Variants in ABTB3 observed in about 807,000 individuals in gnomAD.
The protein encoded by ABTB3 is ankyrin repeat and BTB domain containing 3, also known as ankyrin repeat- and BTB/POZ domain-containing protein 3.
chr12:107,617,023 T>C, the ABTB3 span: 1 of 1,529,306 alleles, frequency 6.5e-7, no homozygotes, highest in Non-Finnish European at 9.1e-7. Flanking sequence ...ATCCCAGCAG[T>C]CTTTCCTGAC....
the ABTB3 span, among the ~76,000 whole-genome samples, chr12:107,425,406 T>C: frequency 6.6e-6 from 1 of 152,196 alleles, no homozygotes; most frequent in Non-Finnish European, 1.5e-5. Flanking sequence ...GAAAATGTTT[T>C]GGAATTAGAT....
At chr12:107,410,119 T>C in the ABTB3 span, among the ~76,000 whole-genome samples, 1 of 151,378 alleles carries the variant, frequency 6.6e-6, no homozygotes, top group Non-Finnish European at 1.5e-5. Flanking sequence ...CCAGCCACTG[T>C]GTGATTGCAA....
chr12:107,444,155 G>T, the ABTB3 span, among the ~76,000 whole-genome samples: 1 of 152,260 alleles, frequency 6.6e-6, no homozygotes, highest in Non-Finnish European at 1.5e-5. Flanking sequence ...GAAGGTCAGG[G>T]TCCTGCAGAG....
the ABTB3 span, among the ~76,000 whole-genome samples, chr12:107,440,087 C>T: frequency 6.6e-6 from 1 of 152,322 alleles, no homozygotes; most frequent in South Asian, 2.1e-4. Context: ...AACACCTCCC[C>T]CCGCCGCTCC....
chr12:107,391,207 G>T, the ABTB3 span, among the ~76,000 whole-genome samples: 1 of 152,108 alleles, frequency 6.6e-6, no homozygotes, highest in African/African-American at 2.4e-5. Context: ...CAGTGAATTG[G>T]GTGCCATCAA....
the ABTB3 span, among the ~76,000 whole-genome samples, chr12:107,374,983 C>A: frequency 1.3e-5 from 2 of 152,144 alleles, no homozygotes; most frequent in African/African-American, 4.8e-5. Flanking sequence ...CAGTAGCTGG[C>A]TTTGGGGAAA....
At chr12:107,345,766 G>A in the ABTB3 span, among the ~76,000 whole-genome samples, 1 of 152,198 alleles carries the variant, frequency 6.6e-6, no homozygotes, top group Non-Finnish European at 1.5e-5. Flanking sequence ...GCAGGTGTTG[G>A]CAGTAGGGCT....
chr12:107,355,752 A>G, the ABTB3 span, among the ~76,000 whole-genome samples: 1 of 152,160 alleles, frequency 6.6e-6, no homozygotes, highest in Non-Finnish European at 1.5e-5. Flanking sequence ...GTTTAGTTAT[A>G]CTGCTGGTAT....
At chr12:107,471,013 T>C in the ABTB3 span, among the ~76,000 whole-genome samples, 4 of 152,220 alleles carry the variant, frequency 2.6e-5, no homozygotes, top group Non-Finnish European at 5.9e-5. Flanking sequence ...TGTGATGTAC[T>C]GAGCATGCCA....
chr12:107,636,219 G>C, the ABTB3 span, among the ~76,000 whole-genome samples: 2 of 152,152 alleles, frequency 1.3e-5, no homozygotes, highest in Non-Finnish European at 2.9e-5. Context: ...TCAGGCACTA[G>C]GTTCTTTCAG....
chr12:107,402,674 C>T, the ABTB3 span, among the ~76,000 whole-genome samples: 1 of 152,208 alleles, frequency 6.6e-6, no homozygotes, highest in Non-Finnish European at 1.5e-5. Flanking sequence ...TTACCTCTCT[C>T]AAGCCACTGC....
chr12:107,657,424 G>T, the ABTB3 span: 7 of 1,135,612 alleles, frequency 6.2e-6, no homozygotes, highest in Middle Eastern at 1.9e-4. Context: ...TAGCAGGTGT[G>T]TGCCATCATT....
At chr12:107,640,049 G>C in the ABTB3 span, among the ~76,000 whole-genome samples, 3 of 152,290 alleles carry the variant, frequency 2.0e-5, no homozygotes, top group East Asian at 5.8e-4. Context: ...CAAGGTGGGT[G>C]GGTGACTATA....
the ABTB3 span, among the ~76,000 whole-genome samples, chr12:107,456,424 G>C: frequency 7.2e-5 from 11 of 152,306 alleles, no homozygotes; most frequent in Middle Eastern, 3.4e-3. Flanking sequence ...GGCACGAACC[G>C]TATTGTGAAC....
the ABTB3 span, chr12:107,649,879 G>C: frequency 1.3e-5 from 2 of 152,470 alleles, no homozygotes; most frequent in Middle Eastern, 3.4e-3. Context: ...AGCCCCGCCT[G>C]TCTAGGAGTC....
the ABTB3 span, among the ~76,000 whole-genome samples, chr12:107,482,920 CTTTCTTTCTTTCT>C: frequency 8.4e-5 from 3 of 35,650 alleles, no homozygotes; most frequent in African/African-American, 5.1e-4. Context: ...CTTCTTCTTT[CTTTCTTTCTTTCT>C]TTCTTTCTTT....
At chr12:107,544,682 A>T in the ABTB3 span, among the ~76,000 whole-genome samples, 5 of 152,160 alleles carry the variant, frequency 3.3e-5, no homozygotes, top group Non-Finnish European at 7.4e-5. Flanking sequence ...CTGCCTCCCC[A>T]CTTCCTTTAG....
the ABTB3 span, among the ~76,000 whole-genome samples, chr12:107,473,361 C>T: frequency 1.4e-5 from 2 of 147,566 alleles, no homozygotes; most frequent in African/African-American, 5.0e-5. Flanking sequence ...ATTTCACCTA[C>T]TTTTTTTTTT....
chr12:107,474,619 G>C, the ABTB3 span, among the ~76,000 whole-genome samples: 7 of 152,094 alleles, frequency 4.6e-5, no homozygotes, highest in East Asian at 7.7e-4. Context: ...GGCATTGGAG[G>C]GAAATCCAGA....
Sources: allele counts gnomAD v4.1 joint callset (sites outside exome capture counted in the v4.1 genomes callset), GRCh38; gene constraint gnomAD v4.1.1; transcripts MANE v1.5; gene names NCBI Gene and HGNC (gene_info 2026-07-23, HGNC 2026-07-21).